Variants in ARID5B observed in about 807,000 individuals in gnomAD.
ARID5B encodes AT-rich interaction domain 5B.
A neutral mutation model predicts 97.2 loss-of-function variants in ARID5B; 13 were observed. That is an observed-to-expected ratio of 0.13 (90% CI 0.09 to 0.21). The LOEUF is 0.21. Among genes scored for constraint, ARID5B ranks in the 10% least tolerant of loss-of-function variants. ARID5B has a pLI of 1.00. For synonymous variants in ARID5B, 556 were observed against 570.3 expected (o/e 0.97, Z 0.36); for missense variants, 1,210 against 1,465.3 (o/e 0.83, Z 2.84).
intron 3 of ARID5B, among the ~76,000 whole-genome samples, chr10:61,942,020 G>T (rs1400775810): frequency 6.6e-6 from 1 of 151,688 alleles, no homozygotes; most frequent in African/African-American, 2.4e-5. Context: ...GTTTAATTTT[G>T]TGTGTGTGTG....
chr10:62,042,934 G>T (rs1237818060), intron 4 of ARID5B, among the ~76,000 whole-genome samples: 1 of 112,594 alleles, frequency 8.9e-6, no homozygotes, highest in African/African-American at 3.4e-5. Context: ...AAAAAAAAAA[G>T]AATATATGGA....
intron 4 of ARID5B, among the ~76,000 whole-genome samples, chr10:62,021,433 T>C (rs1839355298): frequency 6.6e-6 from 1 of 152,234 alleles, no homozygotes; most frequent in Non-Finnish European, 1.5e-5. Context: ...GGGAAAATTC[T>C]GTAAACATGT....
At chr10:62,020,889 A>G (rs1479692747) in intron 4 of ARID5B, among the ~76,000 whole-genome samples, 1 of 151,896 alleles carries the variant, frequency 6.6e-6, no homozygotes, top group Non-Finnish European at 1.5e-5. Context: ...AAAAAATGGA[A>G]AAAATGAAAA....
intron 3 of ARID5B, among the ~76,000 whole-genome samples, chr10:61,955,447 T>A (rs908944790): frequency 6.6e-6 from 1 of 152,204 alleles, no homozygotes; most frequent in Admixed American, 6.5e-5. Flanking sequence ...ATATATGATC[T>A]TATAGCATTC....
At chr10:62,014,057 G>A (rs1839253143) in intron 4 of ARID5B, among the ~76,000 whole-genome samples, 1 of 152,108 alleles carries the variant, frequency 6.6e-6, no homozygotes, top group Non-Finnish European at 1.5e-5. Flanking sequence ...TAGTGCTGCA[G>A]TGAACATGGG....
At chr10:61,986,817 A>G (rs572778853) in intron 3 of ARID5B, among the ~76,000 whole-genome samples, 1 of 152,258 alleles carries the variant, frequency 6.6e-6, no homozygotes, top group South Asian at 2.1e-4. Context: ...ACAAGTACCT[A>G]CGGGGCGTTC....
chr10:61,936,339 C>T (rs1355800085), intron 2 of ARID5B, among the ~76,000 whole-genome samples: 3 of 152,198 alleles, frequency 2.0e-5, no homozygotes, highest in East Asian at 1.9e-4. Flanking sequence ...ATTTCTGGGC[C>T]GGGTGCGGTG....
rs781507927 is a variant in ARID5B, at chr10:62,000,198, G to T, written c.610G>T (p.Asp204Tyr). The change falls in exon 4 of 10, where the codon GAC becomes TAC. Residue 204 changes from aspartate to tyrosine, a missense_variant. Coordinates refer to ENST00000279873, the MANE Select transcript of ARID5B (RefSeq NM_032199.3). The surrounding 1 kb of genome is among the most constrained non-coding windows in gnomAD (Gnocchi z 4.4). ...GGATAAGCCATCTTCCATTCTAACG[G>T]ACCAGTTTGCATTGGCCCTGGGGGG... is the stretch of plus-strand genomic sequence containing the variant. Reference protein sequence around the residue: ...IQDKPSSILTDQFALALGGIA... With the variant: ...IQDKPSSILTYQFALALGGIA... The T allele has an allele frequency of 6.2e-7, 1 of 1,614,010 alleles. No individual in the cohort carries two copies. The highest frequency in any genetic ancestry group is 8.5e-7 in the Non-Finnish European group (1 of 1,179,932).
intron 2 of ARID5B, among the ~76,000 whole-genome samples, chr10:61,911,401 T>C (rs1269915147): frequency 1.3e-5 from 2 of 152,204 alleles, no homozygotes; most frequent in African/African-American, 4.8e-5. Flanking sequence ...TTTTTATTAA[T>C]AGTCAAAAAT....
rs142903307 is a variant in ARID5B at position 62,067,368 on chromosome 10, C to G, written c.1102-2332C>G. ...AAAGTGCTGGGGTTATAGGCGTGAG[C>G]CACCATGCCCGGCCAGAACTTCTGT... is the stretch of plus-strand genomic sequence containing the variant. On this transcript the variant is annotated intron_variant, in intron 7 of 9. Coordinates refer to ENST00000279873, the MANE Select transcript of ARID5B (RefSeq NM_032199.3). Among the ~76,000 whole-genome samples, 485 of 152,336 alleles carry G rather than the reference C, an allele frequency of 3.2e-3. 5 individuals are homozygous for G. Among genetic ancestry groups the G allele is most frequent in the African/African-American group, 0.011 (452 of 41,568 alleles).
chr10:62,077,517 G>C (rs1480484641), intron 8 of ARID5B, among the ~76,000 whole-genome samples: 1 of 135,506 alleles, frequency 7.4e-6, no homozygotes, highest in Non-Finnish European at 1.7e-5. Context: ...CGAGTTCTTT[G>C]TTTGACCCCC....
chr10:62,080,654 C>G (rs1422907685), intron 8 of ARID5B, among the ~76,000 whole-genome samples: 1 of 152,056 alleles, frequency 6.6e-6, no homozygotes, highest in East Asian at 1.9e-4. Flanking sequence ...TTTCTGGCTG[C>G]AAAGGGAAAT....
chr10:62,080,118 A>G (rs1840192508), intron 8 of ARID5B, among the ~76,000 whole-genome samples: 1 of 152,084 alleles, frequency 6.6e-6, no homozygotes, highest in African/African-American at 2.4e-5. Flanking sequence ...CTCGTTCTTC[A>G]TGTCAGCGTG....
At chr10:62,023,316 C>T (rs1839379448) in intron 4 of ARID5B, among the ~76,000 whole-genome samples, 1 of 152,194 alleles carries the variant, frequency 6.6e-6, no homozygotes, top group Non-Finnish European at 1.5e-5. Context: ...ATATTGCCTC[C>T]TTTGGCCATC....
chr10:62,022,872 A>T (rs568218387), intron 4 of ARID5B, among the ~76,000 whole-genome samples: 1 of 152,370 alleles, frequency 6.6e-6, no homozygotes, highest in African/African-American at 2.4e-5. Context: ...GCTCTCCTTT[A>T]ACTGGAGTAC....
At chr10:62,010,740 G>C (rs905201915) in intron 4 of ARID5B, among the ~76,000 whole-genome samples, 3 of 152,200 alleles carry the variant, frequency 2.0e-5, no homozygotes, top group African/African-American at 7.2e-5. Flanking sequence ...CAACCTAGAA[G>C]GATGTCTTCC....
intron 9 of ARID5B, among the ~76,000 whole-genome samples, chr10:62,086,699 A>G (rs1253242074): frequency 7.8e-6 from 1 of 127,788 alleles, no homozygotes; most frequent in African/African-American, 3.0e-5. Flanking sequence ...TCAAAAAAAA[A>G]AAAAAAAAAA....
At chr10:61,964,511 A>C (rs1461554532) in intron 3 of ARID5B, among the ~76,000 whole-genome samples, 3 of 152,170 alleles carry the variant, frequency 2.0e-5, no homozygotes, top group African/African-American at 7.2e-5. Flanking sequence ...AAATAGTTTC[A>C]TCTGCAGTGT....
At chr10:61,933,085 A>G (rs1844239658) in intron 2 of ARID5B, among the ~76,000 whole-genome samples, 1 of 152,200 alleles carries the variant, frequency 6.6e-6, no homozygotes, top group Non-Finnish European at 1.5e-5. Context: ...AACAAAAACA[A>G]AACAAAACAA....
Sources: allele counts gnomAD v4.1 joint callset (sites outside exome capture counted in the v4.1 genomes callset), GRCh38; gene constraint gnomAD v4.1.1; non-coding constraint Gnocchi (gnomAD v3.1); transcripts MANE v1.5; gene names NCBI Gene and HGNC (gene_info 2026-07-23, HGNC 2026-07-21).